Variants in ERP44 observed in about 807,000 individuals in gnomAD.
The protein encoded by ERP44 is endoplasmic reticulum protein 44.
A neutral mutation model predicts 53.4 loss-of-function variants in ERP44; 25 were observed. That is an observed-to-expected ratio of 0.47 (90% CI 0.34 to 0.65). The LOEUF (loss-of-function observed/expected upper bound fraction) is 0.65, where lower values mean the gene tolerates loss of function less well. Among genes scored for constraint, ERP44 ranks in the 30% least tolerant of loss-of-function variants. ERP44 has a pLI of 0.01. For missense variants in ERP44, 338 were observed against 493.2 expected (o/e 0.69, Z 2.98); for synonymous variants, 145 against 161.2 (o/e 0.90, Z 0.76).
chr9:100,097,667 A>C (rs532880149), intron 1 of ERP44, among the ~76,000 whole-genome samples: 1 of 152,322 alleles, frequency 6.6e-6, no homozygotes, highest in South Asian at 2.1e-4. Context: ...CATGCCATTT[A>C]GTTTTTTACA....
rs865949772 is a variant in ERP44 at position 100,034,039 on chromosome 9, A to G, written c.287-11813T>C. On this transcript the variant is annotated intron_variant, in intron 4 of 11. Coordinates refer to ENST00000262455, the MANE Select transcript of ERP44 (RefSeq NM_015051.3). ...GGTCAACTCTGTCAGAGGCGTTCAA[A>G]CCAGAGTGACTCCATGTTGCATAGG... Among the ~76,000 whole-genome samples the G allele has an allele frequency of 1.3e-4, 20 of 152,232 alleles. No individual in the cohort carries two copies. The Middle Eastern group carries it at 0.01, about 78-fold the overall frequency.
intron 1 of ERP44, among the ~76,000 whole-genome samples, chr9:100,082,848 A>G (rs1332018865): frequency 2.0e-5 from 3 of 152,140 alleles, no homozygotes; most frequent in African/African-American, 7.2e-5. Context: ...CATGCTCTAA[A>G]TCCTCATGAG....
At chr9:100,047,618 C>CTT (rs1410163886) in intron 4 of ERP44, among the ~76,000 whole-genome samples, 2 of 152,174 alleles carry the variant, frequency 1.3e-5, no homozygotes, top group Non-Finnish European at 2.9e-5. Flanking sequence ...TCTCTAAACA[C>CTT]TCTAAAACTC....
intron 1 of ERP44, among the ~76,000 whole-genome samples, chr9:100,091,121 C>T (rs1415632227): frequency 6.6e-6 from 1 of 152,114 alleles, no homozygotes; most frequent in Admixed American, 6.5e-5. Context: ...CTTTTCTCTA[C>T]TATATTAGCA....
intron 4 of ERP44, among the ~76,000 whole-genome samples, chr9:100,038,756 C>T (rs562281786): frequency 6.6e-6 from 1 of 151,586 alleles, no homozygotes; most frequent in South Asian, 2.1e-4. Flanking sequence ...TTACAAAAAA[C>T]ACACTCTACC....
intron 10 of ERP44, among the ~76,000 whole-genome samples, chr9:99,996,972 C>T (rs9695126): frequency 2.3e-5 from 3 of 129,264 alleles, no homozygotes; most frequent in Admixed American, 8.7e-5. Flanking sequence ...TGTACACATA[C>T]ACACGTATGT....
At chr9:100,067,422 A>G (rs1037403831) in intron 1 of ERP44, among the ~76,000 whole-genome samples, 3 of 152,204 alleles carry the variant, frequency 2.0e-5, no homozygotes, top group African/African-American at 7.2e-5. Flanking sequence ...CCAGCTCCTA[A>G]CCGCGAGTGA....
chr9:99,979,310 C>T lies in ERP44; in HGVS notation c.*3302G>A, dbSNP rs949280982. On this transcript the variant is annotated 3_prime_UTR_variant, in exon 12 of 12. Transcript: ENST00000262455. ...ACTACTTTATCCATTCCTTTTTGCC[C>T]TCAGGTTTAAAAAAGAAAAAAAAAA... 1 of 149,786 alleles carries T rather than the reference C, an allele frequency of 6.7e-6. No homozygotes were observed. The highest frequency in any genetic ancestry group is 1.9e-4 in the East Asian group (1 of 5,178). The allele number at this position is 149,786 out of a possible 1,614,324, so 9.3% of individuals were successfully genotyped here.
intron 10 of ERP44, among the ~76,000 whole-genome samples, chr9:99,987,100 C>G (rs1469160234): frequency 6.6e-6 from 1 of 152,070 alleles, no homozygotes; most frequent in Non-Finnish European, 1.5e-5. Context: ...CACATTTTTC[C>G]AAGCTGATTT....
chr9:99,986,775 G>C (rs1405624713), intron 10 of ERP44, among the ~76,000 whole-genome samples: 1 of 152,198 alleles, frequency 6.6e-6, no homozygotes, highest in African/African-American at 2.4e-5. Flanking sequence ...TCAGGTAGCT[G>C]TATTGACAGA....
chr9:100,029,429 C>T (rs1825750091), intron 4 of ERP44, among the ~76,000 whole-genome samples: 1 of 152,188 alleles, frequency 6.6e-6, no homozygotes, highest in South Asian at 2.1e-4. Flanking sequence ...TTGTCAGTTT[C>T]ACTAATCATG....
At chr9:100,010,478 A>G (rs1830464502) in intron 8 of ERP44, among the ~76,000 whole-genome samples, 1 of 152,238 alleles carries the variant, frequency 6.6e-6, no homozygotes, top group Non-Finnish European at 1.5e-5. Flanking sequence ...AAGAACTACC[A>G]CAGCAGGCAA....
intron 4 of ERP44, among the ~76,000 whole-genome samples, chr9:100,049,376 C>T (rs939825341): frequency 4.6e-5 from 7 of 151,990 alleles, no homozygotes; most frequent in South Asian, 2.1e-4. Flanking sequence ...ACAGCCTGGG[C>T]GAGACAGTGA....
intron 1 of ERP44, among the ~76,000 whole-genome samples, chr9:100,080,588 T>C (rs1008702933): frequency 3.3e-5 from 5 of 152,036 alleles, no homozygotes; most frequent in Admixed American, 1.3e-4. Flanking sequence ...GTATGATGCA[T>C]ATACTGTAAG....
intron 1 of ERP44, among the ~76,000 whole-genome samples, chr9:100,091,601 G>A (rs1168229907): frequency 6.6e-6 from 1 of 152,140 alleles, no homozygotes; most frequent in African/African-American, 2.4e-5. Flanking sequence ...ATGTTATTGA[G>A]AGGCACTGCC....
At chr9:100,076,194 T>C (rs1287890773) in intron 1 of ERP44, among the ~76,000 whole-genome samples, 1 of 152,230 alleles carries the variant, frequency 6.6e-6, no homozygotes, top group Non-Finnish European at 1.5e-5. Flanking sequence ...GGGTGCTTTC[T>C]GACCCATCTA....
chr9:100,098,871 C>A lies in ERP44; in HGVS notation c.-31G>T, dbSNP rs747952825. On this transcript the variant is annotated 5_prime_UTR_variant, in exon 1 of 12. Coordinates refer to ENST00000262455, the MANE Select transcript of ERP44 (RefSeq NM_015051.3). Reference sequence around the variant, plus strand: ...CGCTGGGGTCCGTGACAGGGACAGGCGCTGGCGGCTGGGACTGGGCTAGGT... The same window carrying A: ...CGCTGGGGTCCGTGACAGGGACAGGAGCTGGCGGCTGGGACTGGGCTAGGT... 1.1e-5 allele frequency: 18 copies of A among 1,604,908 alleles called. No homozygotes were observed. Among genetic ancestry groups the A allele is most frequent in the Non-Finnish European group, 1.3e-5 (15 of 1,172,544 alleles).
Position 100,018,245 on chromosome 9 carries a change from T to C in ERP44, c.645+11A>G. The C allele has an allele frequency of 6.4e-7, 1 of 1,555,432 alleles. No homozygotes were observed. On this transcript the variant is annotated intron_variant, in intron 7 of 11. Transcript: ENST00000262455. ...TATCTTATCATACAACATTAAGAAATAGCAACTTACCCCTGGTGGTTTGTA... is the reference window on the plus strand; with the variant it reads ...TATCTTATCATACAACATTAAGAAACAGCAACTTACCCCTGGTGGTTTGTA...
At chr9:100,036,707 C>T (rs1332119841) in intron 4 of ERP44, among the ~76,000 whole-genome samples, 1 of 152,116 alleles carries the variant, frequency 6.6e-6, no homozygotes, top group African/African-American at 2.4e-5. Flanking sequence ...TTTGTGGCAA[C>T]ATAAATGGAA....
Sources: allele counts gnomAD v4.1 joint callset (sites outside exome capture counted in the v4.1 genomes callset), GRCh38; gene constraint gnomAD v4.1.1; transcripts MANE v1.5; gene names NCBI Gene and HGNC (gene_info 2026-07-23, HGNC 2026-07-21).